The following MYLK variants were observed in gnomAD, a reference collection of about 807,000 sequenced individuals.
The protein encoded by MYLK is myosin light chain kinase.
Under a neutral mutation model 203.4 loss-of-function variants are expected in MYLK, and 106 were observed. That is an observed-to-expected ratio of 0.52 (90% confidence interval 0.45 to 0.61). MYLK has a LOEUF of 0.61. Among genes scored for constraint, MYLK ranks in the 20% least tolerant of loss-of-function variants. MYLK has a pLI of 0.00. For synonymous variants in MYLK, 867 were observed against 959.5 expected (o/e 0.90, Z 1.78); for missense variants, 2,072 against 2,442.3 (o/e 0.85, Z 3.20).
chr3:123,731,484 A>G (rs991488082), intron 11 of MYLK, among the ~76,000 whole-genome samples: 4 of 152,184 alleles, frequency 2.6e-5, no homozygotes, highest in Admixed American at 2.0e-4. Flanking sequence ...CATCTTGAAC[A>G]TGTTTTAGCA....
intron 4 of MYLK, among the ~76,000 whole-genome samples, chr3:123,761,330 C>A (rs1157967469): frequency 6.6e-6 from 1 of 152,204 alleles, no homozygotes; most frequent in Non-Finnish European, 1.5e-5. Flanking sequence ...TTCAGAATTT[C>A]TGATCTCTGC....
At chr3:123,721,851 A>C (rs2062100033) in intron 13 of MYLK, among the ~76,000 whole-genome samples, 2 of 144,600 alleles carry the variant, frequency 1.4e-5, no homozygotes, top group Non-Finnish European at 1.5e-5. Context: ...ACCTCTGATG[A>C]CACCCTTGTC....
intron 2 of MYLK, among the ~76,000 whole-genome samples, chr3:123,866,660 T>G (rs1459934050): frequency 6.6e-6 from 1 of 152,114 alleles, no homozygotes; most frequent in African/African-American, 2.4e-5. Flanking sequence ...TAAAGTCTTG[T>G]TGGAAAGACC....
intron 4 of MYLK, among the ~76,000 whole-genome samples, chr3:123,753,044 C>T (rs2063251019): frequency 6.6e-6 from 1 of 152,164 alleles, no homozygotes; most frequent in African/African-American, 2.4e-5. Context: ...GCTGCTGGTC[C>T]CTGGAACTCA....
chr3:123,650,464 C>T lies in MYLK; in HGVS notation c.4289-1270G>A, dbSNP rs140826980. Among the ~76,000 whole-genome samples, 1,297 of 151,798 alleles carry T rather than the reference C, an allele frequency of 8.5e-3. 16 individuals are homozygous for T. Among genetic ancestry groups the T allele is most frequent in the African/African-American group, 0.028 (1,176 of 41,396 alleles). On this transcript the variant is annotated intron_variant, in intron 24 of 33. Transcript: ENST00000360304. ...GAGAGTGGGCATATGAGTGTGAGTG[C>T]GGGTGTACCGGTGTGAGTGTGAGTG... is the stretch of plus-strand genomic sequence containing the variant.
intron 11 of MYLK, among the ~76,000 whole-genome samples, chr3:123,731,828 G>A (rs1326043586): frequency 3.3e-5 from 5 of 150,626 alleles, no homozygotes; most frequent in African/African-American, 4.9e-5. Context: ...AAAACACCAC[G>A]AATTCCTTTA....
In MYLK at chr3:123,737,106, C is replaced by A. The variant is rs1003415969; in HGVS notation, c.754+272G>T. The A allele has an allele frequency of 6.5e-6, 3 of 460,646 alleles. No individual in the cohort carries two copies. The Admixed American group carries it at 1.0e-4, about 16-fold the overall frequency. The allele number at this position is 460,646 out of a possible 1,614,324, so 28.5% of individuals were successfully genotyped here. On this transcript the variant is annotated intron_variant, in intron 8 of 33. Transcript: ENST00000360304. ...TGGTGGTGTGTGCCTGTAGTCCCAG[C>A]CACTCAGGAGGCTGAGGCAGGAGAA... is the stretch of plus-strand genomic sequence containing the variant.
Position 123,722,264 on chromosome 3 carries a change from G to C in MYLK, c.1668C>G (p.Tyr556Ter). ...TWLLNGQPIQYARSTCEAGVA... is the reference protein window; with the variant it reads ...TWLLNGQPIQ ...CGCCGGCCTCGCAGGTGGAGCGAGC[G>C]TACTGGATGGGCTGCCCTGTGGAGG... Residue 556 changes from tyrosine (Y) to a stop codon, truncating the protein, a stop_gained, in exon 13 of 34, where the codon TAC (tyrosine) becomes TAG (stop). Coordinates refer to ENST00000360304, the MANE Select transcript of MYLK (RefSeq NM_053025.4). LOFTEE classifies it high-confidence loss of function. 1 of 1,569,572 alleles carries C rather than the reference G, an allele frequency of 6.4e-7. No homozygotes were observed. Among genetic ancestry groups the C allele is most frequent in the African/African-American group, 1.3e-5 (1 of 74,224 alleles).
At chr3:123,709,011 T>C (rs1163417093) in intron 14 of MYLK, 116 bp from the exon 15 acceptor site, 7 of 832,354 alleles carry the variant, frequency 8.4e-6, no homozygotes, top group African/African-American at 6.7e-5. Context: ...CTCTATGCTT[T>C]CACTTCCCCA....
intron 3 of MYLK, among the ~76,000 whole-genome samples, chr3:123,825,946 C>T (rs2066102757): frequency 6.6e-6 from 1 of 152,226 alleles, no homozygotes. Context: ...AGTTGATATG[C>T]CCCTGCACCA....
chr3:123,629,590 A>C lies in MYLK; in HGVS notation c.4998T>G (p.Asp1666Glu), dbSNP rs2058324424. 2.5e-6 allele frequency: 4 copies of C among 1,614,092 alleles called. No individual in the cohort carries two copies. In the East Asian group the frequency reaches 8.9e-5, roughly 36 times the overall value. Residue 1666 changes from aspartate (D) to glutamate (E), a missense_variant, in exon 30 of 34, where the codon GAT becomes GAG. By Grantham distance (45) the Asp-to-Glu change is conservative. Transcript: ENST00000360304. The surrounding 1 kb of genome is among the most constrained non-coding windows in gnomAD (Gnocchi z 4.4). ...AGGTAACGTTGGCCAAGGTTTCGTT[A>C]TCGTTGTCTCCCATGAAGGGGGAAA... ...SGLSPFMGDN[D>E]NETLANVTSA... is the part of the protein sequence containing the mutation.
intron 2 of MYLK, among the ~76,000 whole-genome samples, chr3:123,859,854 G>A (rs1292702082): frequency 6.6e-6 from 1 of 152,034 alleles, no homozygotes; most frequent in Non-Finnish European, 1.5e-5. Flanking sequence ...GGTAACGTGT[G>A]GGGATCAAAT....
chr3:123,799,740 G>A (rs116069093), intron 3 of MYLK: 2,974 of 152,526 alleles, frequency 0.019, 86 homozygotes, highest in African/African-American at 0.067. Flanking sequence ...TCCTAATTCC[G>A]GAGTGCGCTG....
intron 2 of MYLK, among the ~76,000 whole-genome samples, chr3:123,854,090 C>G (rs1041257168): frequency 6.6e-6 from 1 of 150,490 alleles, no homozygotes; most frequent in Non-Finnish European, 1.5e-5. Context: ...AAGGATCAGA[C>G]AGTCAACTTC....
chr3:123,771,862 T>C (rs770019543), intron 4 of MYLK, among the ~76,000 whole-genome samples: 1 of 152,214 alleles, frequency 6.6e-6, no homozygotes, highest in South Asian at 2.1e-4. Context: ...TATTGAGCAC[T>C]GAAAGTGAAA....
intron 4 of MYLK, among the ~76,000 whole-genome samples, chr3:123,769,735 A>T (rs751313100): frequency 1.3e-5 from 2 of 152,182 alleles, no homozygotes; most frequent in Non-Finnish European, 2.9e-5. Flanking sequence ...CTGTCTGTGG[A>T]AAGAGCTACA....
chr3:123,737,648 C>A, intron 7 of MYLK, 105 bp from the exon 8 acceptor site: 1 of 1,448,622 alleles, frequency 6.9e-7, no homozygotes, highest in Non-Finnish European at 9.6e-7. Flanking sequence ...AGGGCCTGGG[C>A]AGCAGCGTCC....
chr3:123,704,593 T>C (rs1424198998), intron 16 of MYLK, among the ~76,000 whole-genome samples: 2 of 152,058 alleles, frequency 1.3e-5, no homozygotes, highest in Non-Finnish European at 2.9e-5. Flanking sequence ...GGGTTCTATA[T>C]GGAAAAATTA....
At chr3:123,843,637 T>G (rs990631611) in intron 2 of MYLK, among the ~76,000 whole-genome samples, 7 of 152,138 alleles carry the variant, frequency 4.6e-5, no homozygotes, top group South Asian at 4.1e-4. Flanking sequence ...TGGTTCCTTC[T>G]GCAGAGACAC....
Sources: gnomAD v4.1 joint callset for allele counts (sites outside exome capture counted in the v4.1 genomes callset) on GRCh38, gnomAD v4.1.1 for gene constraint, Gnocchi (gnomAD v3.1) non-coding constraint, MANE v1.5 for transcripts, NCBI Gene and HGNC (gene_info 2026-07-23, HGNC 2026-07-21) for gene names.